NSMCE1: variants seen among roughly 807,000 people sequenced by gnomAD.
NSMCE1 encodes the protein NSE1 component of SMC5/6 complex, also known as non-structural maintenance of chromosomes element 1 homolog.
In NSMCE1, 18 loss-of-function variants were observed where a neutral mutation model predicts 29.6. The ratio of observed to expected loss-of-function variants is 0.61; its 90% CI spans 0.42 to 0.90. The LOEUF is 0.90. Among genes scored for constraint, NSMCE1 ranks in the 40% least tolerant of loss-of-function variants. The probability of loss-of-function intolerance (pLI) is 0.00; values close to 1 mark genes in which losing one functional copy is unlikely to be tolerated. For synonymous variants in NSMCE1, 124 were observed against 133.4 expected, an observed-to-expected ratio of 0.93 and a Z score of 0.49; for missense variants, 314 against 343.6, an observed-to-expected ratio of 0.91 and a Z score of 0.68.
intron 1 of NSMCE1, among the ~76,000 whole-genome samples, chr16:27,261,900 A>G (rs2084161855): frequency 6.6e-6 from 1 of 152,260 alleles, no homozygotes; most frequent in Non-Finnish European, 1.5e-5. Flanking sequence ...TTCACATCTA[A>G]AAATCAATCA....
intron 2 of NSMCE1, among the ~76,000 whole-genome samples, chr16:27,242,378 A>AAGAAGTTTATTACAATC (rs537515882): frequency 0.013 from 1,926 of 152,254 alleles, 29 homozygotes; most frequent in African/African-American, 0.042. Flanking sequence ...TCTTAAACTC[A>AAGAAGTTTATTACAATC]AGAAGTTTAT....
At chr16:27,225,916 C>T in intron 6 of NSMCE1, 70 bp from the exon 7 acceptor site, 1 of 1,589,232 alleles carries the variant, frequency 6.3e-7, no homozygotes, top group Non-Finnish European at 8.6e-7. Context: ...TCCGGGGAAG[C>T]CACAAGGGAA....
intron 2 of NSMCE1, among the ~76,000 whole-genome samples, chr16:27,248,056 T>C (rs1282536308): frequency 6.6e-6 from 1 of 152,248 alleles, no homozygotes; most frequent in Non-Finnish European, 1.5e-5. Flanking sequence ...CTTACTTTTA[T>C]TGCTAAGTAG....
rs748509151 is a variant in NSMCE1 at position 27,226,779 on chromosome 16, G to A, written c.541C>T (p.Arg181Trp). Residue 181 changes from arginine (R) to tryptophan (W), a missense_variant, in exon 6 of 8, where the codon CGG becomes TGG. Physicochemically the swap from Arg to Trp is moderately radical, Grantham distance 101 (BLOSUM62 -3). Transcript: ENST00000361439. ...TTCACCGCGTCGGGGTACGTCTCCC[G>A]GATGTATTGCTCCATCTCCAGGATG... ...RAILEMEQYI[R>W]ETYPDAVKIC... 20 of 1,613,818 alleles carry A rather than the reference G, an allele frequency of 1.2e-5. No individual in the cohort carries two copies. The highest frequency in any genetic ancestry group is 6.7e-5 in the African/African-American group (5 of 74,914).
At chr16:27,263,589 C>A (rs11074849) in intron 1 of NSMCE1, among the ~76,000 whole-genome samples, 1 of 151,896 alleles carries the variant, frequency 6.6e-6, no homozygotes, top group Non-Finnish European at 1.5e-5. Context: ...ATATAACTAT[C>A]GGGTACTGGA....
intron 1 of NSMCE1, among the ~76,000 whole-genome samples, chr16:27,264,055 C>T (rs1014466392): frequency 1.3e-5 from 2 of 152,180 alleles, no homozygotes; most frequent in African/African-American, 4.8e-5. Context: ...AGGACTTGTC[C>T]TACCAGCTAT....
At chr16:27,231,466 G>A (rs956662944) in intron 5 of NSMCE1, among the ~76,000 whole-genome samples, 32 of 152,206 alleles carry the variant, frequency 2.1e-4, no homozygotes, top group Admixed American at 1.5e-3. Context: ...GAGGAACCCC[G>A]TCTCTACTAA....
intron 4 of NSMCE1, 114 bp downstream of exon 4, chr16:27,234,074 T>C: frequency 1.4e-6 from 1 of 728,062 alleles, no homozygotes; most frequent in Non-Finnish European, 2.5e-6. Context: ...ACAGCAATGG[T>C]GGCCCATGTC....
At chr16:27,263,000 C>T (rs2084177571) in intron 1 of NSMCE1, among the ~76,000 whole-genome samples, 1 of 152,208 alleles carries the variant, frequency 6.6e-6, no homozygotes, top group African/African-American at 2.4e-5. Context: ...AATGAGATAC[C>T]ATCTCACATC....
At chr16:27,260,842 G>C (rs1369553283) in intron 1 of NSMCE1, among the ~76,000 whole-genome samples, 4 of 118,272 alleles carry the variant, frequency 3.4e-5, no homozygotes, top group African/African-American at 1.4e-4. Flanking sequence ...CTGGGCAACA[G>C]AGTGAGACCC....
At chr16:27,242,865 C>G (rs1367790729) in intron 2 of NSMCE1, among the ~76,000 whole-genome samples, 2 of 152,234 alleles carry the variant, frequency 1.3e-5, no homozygotes, top group Non-Finnish European at 2.9e-5. Context: ...CCTCGCAGAG[C>G]TGATACAGGG....
intron 2 of NSMCE1, among the ~76,000 whole-genome samples, chr16:27,251,535 C>G (rs563212312): frequency 6.6e-6 from 1 of 152,080 alleles, no homozygotes; most frequent in Non-Finnish European, 1.5e-5. Context: ...GGGTTTAGCA[C>G]GTTAACGTCT....
chr16:27,261,857 C>G (rs1480889427), intron 1 of NSMCE1, among the ~76,000 whole-genome samples: 1 of 152,162 alleles, frequency 6.6e-6, no homozygotes, highest in Non-Finnish European at 1.5e-5. Context: ...AAAGGAATGA[C>G]ATATCATCAC....
chr16:27,252,613 G>A (rs1012162218), intron 2 of NSMCE1, among the ~76,000 whole-genome samples: 8 of 151,916 alleles, frequency 5.3e-5, no homozygotes, highest in East Asian at 1.9e-4. Flanking sequence ...GAAGACCCCC[G>A]TCTCTACAAA....
At chr16:27,244,703 C>T (rs971056531) in intron 2 of NSMCE1, among the ~76,000 whole-genome samples, 11 of 152,344 alleles carry the variant, frequency 7.2e-5, no homozygotes, top group South Asian at 2.1e-4. Flanking sequence ...ACCCCAGGCC[C>T]GCTCTACCGA....
chr16:27,247,936 A>C (rs1470788083), intron 2 of NSMCE1, among the ~76,000 whole-genome samples: 1 of 151,856 alleles, frequency 6.6e-6, no homozygotes, highest in Non-Finnish European at 1.5e-5. Flanking sequence ...CAAAAAAAAA[A>C]AAACAAAAAA....
intron 2 of NSMCE1, among the ~76,000 whole-genome samples, chr16:27,251,162 A>ATATATG (rs2084024703): frequency 5.8e-5 from 3 of 51,420 alleles, no homozygotes; most frequent in Non-Finnish European, 9.5e-5. Flanking sequence ...TATTTAAAAT[A>ATATATG]TATATATATA....
At chr16:27,238,422 T>C (rs1674845212) in intron 2 of NSMCE1, among the ~76,000 whole-genome samples, 1 of 152,114 alleles carries the variant, frequency 6.6e-6, no homozygotes, top group African/African-American at 2.4e-5. Flanking sequence ...CAGCACTTCC[T>C]TCCTCATCAC....
intron 2 of NSMCE1, among the ~76,000 whole-genome samples, chr16:27,250,298 C>A (rs2084010168): frequency 6.6e-6 from 1 of 152,148 alleles, no homozygotes; most frequent in South Asian, 2.1e-4. Flanking sequence ...GTGGTGAGAA[C>A]AGACATTCTT....
Sources: gnomAD v4.1 joint callset for allele counts (sites outside exome capture counted in the v4.1 genomes callset) on GRCh38, gnomAD v4.1.1 for gene constraint, MANE v1.5 for transcripts, NCBI Gene and HGNC (gene_info 2026-07-23, HGNC 2026-07-21) for gene names.